Variants in OPCML observed in about 807,000 individuals in gnomAD.
OPCML encodes the protein opioid-binding protein/cell adhesion molecule.
A neutral mutation model predicts 37.8 loss-of-function variants in OPCML; 13 were observed. The observed-to-expected ratio is 0.34, with a 90% CI of 0.22 to 0.55. OPCML has a LOEUF of 0.55. Ranked by LOEUF, OPCML falls within the 20% of genes least tolerant of loss-of-function variation. The pLI is 0.91. For missense variants in OPCML, 341 were observed against 435.6 expected (o/e 0.78, Z 1.93); for synonymous variants, 176 against 168.8 (o/e 1.04, Z -0.33).
intron 1 of OPCML, among the ~76,000 whole-genome samples, chr11:132,995,260 A>G (rs1232506417): frequency 6.6e-6 from 1 of 152,222 alleles, no homozygotes; most frequent in Non-Finnish European, 1.5e-5. Flanking sequence ...TATTTGGGTT[A>G]TATGACAACC....
intron 1 of OPCML, chr11:133,299,073 T>A (rs1942712984): frequency 6.6e-6 from 1 of 152,190 alleles, no homozygotes; most frequent in Non-Finnish European, 1.5e-5. Context: ...AATTATAGCC[T>A]TATTCAATTA....
At chr11:133,244,701 A>ACT (rs34434286) in intron 1 of OPCML, among the ~76,000 whole-genome samples, 2 of 151,090 alleles carry the variant, frequency 1.3e-5, no homozygotes, top group Admixed American at 6.6e-5. Flanking sequence ...TTGCTCACTC[A>ACT]CTCTCTCTCT....
chr11:132,523,298 G>T (rs2096298905), intron 4 of OPCML, among the ~76,000 whole-genome samples: 1 of 152,180 alleles, frequency 6.6e-6, no homozygotes, highest in Admixed American at 6.5e-5. Flanking sequence ...GATTTTGCTA[G>T]TATTAGCTCT....
chr11:132,822,253 C>A (rs1940038831), intron 2 of OPCML, among the ~76,000 whole-genome samples: 1 of 150,346 alleles, frequency 6.7e-6, no homozygotes, highest in Admixed American at 6.6e-5. Flanking sequence ...GCCCTCCTCA[C>A]TCTCCCTCTC....
intron 2 of OPCML, among the ~76,000 whole-genome samples, chr11:132,870,404 T>G (rs960697505): frequency 1.3e-5 from 2 of 152,114 alleles, no homozygotes; most frequent in Non-Finnish European, 2.9e-5. Flanking sequence ...TGCACATGGT[T>G]GGTGGGGATG....
chr11:132,757,680 G>T (rs957408624), intron 2 of OPCML, among the ~76,000 whole-genome samples: 1 of 152,046 alleles, frequency 6.6e-6, no homozygotes, highest in East Asian at 1.9e-4. Context: ...TAAGTTCCTT[G>T]TAGATTCGGG....
chr11:133,499,825 C>A (rs867459232), intron 1 of OPCML, among the ~76,000 whole-genome samples: 1 of 138,164 alleles, frequency 7.2e-6, no homozygotes, highest in South Asian at 2.2e-4. Flanking sequence ...TATATACACA[C>A]ATATATATGT....
intron 1 of OPCML, chr11:133,361,403 C>G (rs1272286657): frequency 6.6e-6 from 1 of 152,494 alleles, no homozygotes; most frequent in Non-Finnish European, 1.5e-5. Context: ...GGTCACTGTG[C>G]CAGGCACCCC....
At chr11:132,576,041 C>A (rs1375285709) in intron 3 of OPCML, among the ~76,000 whole-genome samples, 1 of 151,914 alleles carries the variant, frequency 6.6e-6, no homozygotes, top group Admixed American at 6.6e-5. Flanking sequence ...CAAGGAATTC[C>A]CTTGTATGTA....
chr11:133,142,899 C>T (rs780786284), intron 1 of OPCML, among the ~76,000 whole-genome samples: 2 of 152,006 alleles, frequency 1.3e-5, no homozygotes, highest in Non-Finnish European at 2.9e-5. Context: ...CTCCAAGTGC[C>T]TTCTCATATT....
intron 1 of OPCML, among the ~76,000 whole-genome samples, chr11:133,085,246 T>C (rs1278724533): frequency 6.6e-6 from 1 of 152,236 alleles, no homozygotes; most frequent in Non-Finnish European, 1.5e-5. Context: ...GAACTACAGA[T>C]CTGCCTGGGA....
chr11:132,818,923 A>G (rs1939805351), intron 2 of OPCML, among the ~76,000 whole-genome samples: 1 of 149,940 alleles, frequency 6.7e-6, no homozygotes, highest in Non-Finnish European at 1.5e-5. Flanking sequence ...AACTTAAAGT[A>G]TAATAAAAAA....
At chr11:132,631,548 C>T (rs1426348001) in intron 3 of OPCML, among the ~76,000 whole-genome samples, 1 of 151,062 alleles carries the variant, frequency 6.6e-6, no homozygotes, top group Non-Finnish European at 1.5e-5. Flanking sequence ...CAAGCTCCGC[C>T]TCCCGGGTTC....
intron 1 of OPCML, among the ~76,000 whole-genome samples, chr11:133,018,975 A>G (rs1431143397): frequency 6.6e-6 from 1 of 152,230 alleles, no homozygotes; most frequent in Non-Finnish European, 1.5e-5. Context: ...GAGCTTGAAC[A>G]GAGTCCCAAA....
At chr11:132,579,992 C>T (rs890981786) in intron 3 of OPCML, among the ~76,000 whole-genome samples, 76 of 152,276 alleles carry the variant, frequency 5.0e-4, no homozygotes, top group African/African-American at 1.6e-3. Flanking sequence ...CAAGGGCAGG[C>T]TCTGGTCCCT....
In OPCML at chr11:133,052,938, T is replaced by C. The variant is rs375996144; in HGVS notation, c.62-109928A>G. On this transcript the variant is annotated intron_variant, in intron 1 of 7. Coordinates refer to ENST00000524381, the MANE Select transcript of OPCML (RefSeq NM_001012393.5). ...TCTGAAGTCAGTTCTTCTTAGAGACTTTTGAGATATCTGAATTAAACCTCC... is the reference window on the plus strand; with the variant it reads ...TCTGAAGTCAGTTCTTCTTAGAGACCTTTGAGATATCTGAATTAAACCTCC... Among the ~76,000 whole-genome samples the C allele has an allele frequency of 5.3e-5, 8 of 152,350 alleles. No homozygotes were observed. In the East Asian group the frequency reaches 1.5e-3, roughly 29 times the overall value.
intron 1 of OPCML, among the ~76,000 whole-genome samples, chr11:133,492,790 G>A (rs1349453196): frequency 6.6e-6 from 1 of 151,964 alleles, no homozygotes; most frequent in East Asian, 1.9e-4. Context: ...TAAGCACTTA[G>A]TGGCTAATGG....
In OPCML at chr11:133,532,378, T is replaced by C; in HGVS notation, c.-54A>G. ...GGCTTGCTACTGCTTCTGCTGCTGC[T>C]ACCGCTGCTGCCTTCCTCTGTGCTG... On this transcript the variant is annotated 5_prime_UTR_variant, in exon 1 of 8. Coordinates refer to ENST00000524381, the MANE Select transcript of OPCML (RefSeq NM_001012393.5). 6.4e-7 allele frequency: 1 copy of C among 1,573,498 alleles called. No individual in the cohort carries two copies.
At chr11:132,718,724 G>A (rs1320796384) in intron 2 of OPCML, among the ~76,000 whole-genome samples, 1 of 152,126 alleles carries the variant, frequency 6.6e-6, no homozygotes, top group African/African-American at 2.4e-5. Flanking sequence ...AAGCACACGC[G>A]GGCACACAAA....
Sources: allele counts gnomAD v4.1 joint callset (sites outside exome capture counted in the v4.1 genomes callset), GRCh38; gene constraint gnomAD v4.1.1; transcripts MANE v1.5; gene names NCBI Gene and HGNC (gene_info 2026-07-23, HGNC 2026-07-21).